Variants in RTKN2 observed in about 807,000 individuals in gnomAD.
RTKN2 encodes rhotekin 2.
In RTKN2, 69 loss-of-function variants were observed where a neutral mutation model predicts 71.5. The ratio of observed to expected loss-of-function variants is 0.96; its 90% CI spans 0.79 to 1.18. RTKN2 has a LOEUF of 1.18. Ranked by LOEUF, RTKN2 falls within the 50% of genes most tolerant of loss-of-function variation. The probability of loss-of-function intolerance (pLI) is 0.00; values close to 1 mark genes in which losing one functional copy is unlikely to be tolerated. For missense variants in RTKN2, 724 were observed against 719.7 expected (o/e 1.01, Z -0.07); for synonymous variants, 236 against 236.5 (o/e 1.00, Z 0.02).
chr10:62,190,543 A>G (rs1252601008), downstream of RTKN2, among the ~76,000 whole-genome samples: 1 of 152,186 alleles, frequency 6.6e-6, no homozygotes, highest in Non-Finnish European at 1.5e-5. Context: ...CTCCAAAGGC[A>G]TCAACTCAGG....
chr10:62,235,513 GAA>G (rs956404220), intron 6 of RTKN2, among the ~76,000 whole-genome samples: 9 of 152,034 alleles, frequency 5.9e-5, no homozygotes, highest in African/African-American at 2.2e-4. Context: ...TCCAAAATCT[GAA>G]ACTTTTTGAA....
intron 9 of RTKN2, among the ~76,000 whole-genome samples, chr10:62,207,479 T>A (rs1841570976): frequency 6.6e-6 from 1 of 152,122 alleles, no homozygotes; most frequent in Non-Finnish European, 1.5e-5. Context: ...GTAAAGTTTC[T>A]TAGAGTGTCA....
intron 3 of RTKN2, among the ~76,000 whole-genome samples, 190 bp downstream of exon 3, chr10:62,245,809 G>A (rs1224994099): frequency 1.1e-4 from 12 of 109,068 alleles, no homozygotes; most frequent in Non-Finnish European, 1.9e-4. Flanking sequence ...ATATGAAACA[G>A]TTTTCTTAAA....
chr10:62,197,227 T>A lies in RTKN2; in HGVS notation c.*681A>T. The stretch of plus-strand genomic sequence containing the variant: ...CATTTCATCTACCATTTCTCTAAAC[T>A]AGTAAGTGTTATGCTTCATTTATGA... On this transcript the variant is annotated 3_prime_UTR_variant, in exon 12 of 12. Transcript: ENST00000373789. The A allele has an allele frequency of 1.0e-6, 1 of 985,372 alleles. No homozygotes were observed. Among genetic ancestry groups the A allele is most frequent in the South Asian group, 4.7e-5 (1 of 21,282 alleles). 61.0% of individuals were successfully genotyped at this position (985,372 alleles called of 1,614,324 possible).
intron 5 of RTKN2, chr10:62,239,050 T>C (rs930756880): frequency 7.2e-5 from 11 of 152,002 alleles, no homozygotes; most frequent in African/African-American, 2.4e-4. Flanking sequence ...TTCTGTATTA[T>C]GACCACAATA....
At chr10:62,186,448 A>G (rs1323090233) in intron 8 of RTKN2, among the ~76,000 whole-genome samples, 3 of 152,164 alleles carry the variant, frequency 2.0e-5, no homozygotes, top group African/African-American at 7.2e-5. Flanking sequence ...ACGGAGGAAG[A>G]CAGAACGCAG....
At chr10:62,238,011 G>A (rs1770394600) in intron 5 of RTKN2, 1 of 151,660 alleles carries the variant, frequency 6.6e-6, no homozygotes, top group South Asian at 2.1e-4. Context: ...ATATACTTAA[G>A]ACTGCAAAAG....
In RTKN2 at chr10:62,197,897, T is replaced by C. The variant is rs751714853; in HGVS notation, c.*11A>G. On this transcript the variant is annotated 3_prime_UTR_variant, in exon 12 of 12. Transcript: ENST00000373789. ...ATAGATTTTGTTAAATGTTTTATCATTAAGAGTTTTCTATACTTGTGCCTG... is the reference window on the plus strand; with the variant it reads ...ATAGATTTTGTTAAATGTTTTATCACTAAGAGTTTTCTATACTTGTGCCTG... 52 of 1,594,198 alleles carry C rather than the reference T, an allele frequency of 3.3e-5. No individual in the cohort carries two copies. Among genetic ancestry groups the C allele is most frequent in the Non-Finnish European group, 1.0e-5 (12 of 1,172,090 alleles).
At position 62,184,395 on chromosome 10, in the gene RTKN2, AC is replaced by A. The variant is rs1352802014; in HGVS notation, c.862-9del. ...TAGTTGATTACTATTATTCTGAAAA[AC>A]AAAAAAAATCACCTTTAGTCACCCA... On this transcript the variant is annotated splice_polypyrimidine_tract_variant and intron_variant, in intron 8 of 8. Transcript: ENST00000315289. 2.6e-6 allele frequency: 4 copies of A among 1,521,262 alleles called. No individual in the cohort carries two copies. In the African/African-American group the frequency reaches 5.5e-5, roughly 21 times the overall value. The allele number at this position is 1,521,262 out of a possible 1,614,324, so 94.2% of individuals were successfully genotyped here.
rs547450164 is a variant in RTKN2, at chr10:62,256,693, C to CGTGT, written c.257+5928_257+5931dup. Among the ~76,000 whole-genome samples, 623 of 150,534 alleles carry CGTGT rather than the reference C, an allele frequency of 4.1e-3. 5 individuals are homozygous for CGTGT. The highest frequency in any genetic ancestry group is 0.014 in the African/African-American group (568 of 40,962). ...ATGCTAGTATGTGTATTTGTGTATG[C>CGTGT]GTGTGTGTGTCTGTGTGTGTATAGA... is the stretch of plus-strand genomic sequence containing the variant. On this transcript the variant is annotated intron_variant, in intron 2 of 11. Coordinates refer to ENST00000373789, the MANE Select transcript of RTKN2 (RefSeq NM_145307.4).
intron 1 of RTKN2, among the ~76,000 whole-genome samples, chr10:62,266,620 ATTTTAT>A (rs1198392574): frequency 6.6e-6 from 1 of 152,158 alleles, no homozygotes; most frequent in Non-Finnish European, 1.5e-5. Context: ...TACTTTTTGA[ATTTTAT>A]TTTTATTAAG....
rs1841324646 is a variant in RTKN2 at position 62,196,035 on chromosome 10, G to A, written c.*1873C>T. On this transcript the variant is annotated 3_prime_UTR_variant, in exon 12 of 12. Transcript: ENST00000373789. ...TAATACTGATTTGTAATAAAGGAAGGCATCAACTAGGAAAAAAAAAAGAAT... is the reference window on the plus strand; with the variant it reads ...TAATACTGATTTGTAATAAAGGAAGACATCAACTAGGAAAAAAAAAAGAAT... The A allele has an allele frequency of 1.0e-6, 1 of 984,580 alleles. No individual in the cohort carries two copies. Among genetic ancestry groups the A allele is most frequent in the Non-Finnish European group, 1.2e-6 (1 of 829,444 alleles). The allele number at this position is 984,580 out of a possible 1,614,324, so 61.0% of individuals were successfully genotyped here.
intron 10 of RTKN2, 66 bp downstream of exon 10, chr10:62,204,791 G>T (rs1240148261): frequency 1.1e-5 from 14 of 1,228,978 alleles, no homozygotes; most frequent in Non-Finnish European, 1.4e-5. Flanking sequence ...ACAATTTTAA[G>T]ATTGCTGTGC....
rs1328103954 is a variant in RTKN2, at chr10:62,194,365, T to C, written c.*3543A>G. ...ATATGTAAACATTTAAAAATAGTGA[T>C]GCCTTTGAAATGTAAGGGGAAAATG... is the stretch of plus-strand genomic sequence containing the variant. On this transcript the variant is annotated 3_prime_UTR_variant, in exon 12 of 12. Transcript: ENST00000373789. 1.0e-6 allele frequency: 1 copy of C among 984,618 alleles called. No homozygotes were observed. The highest frequency in any genetic ancestry group is 1.2e-6 in the Non-Finnish European group (1 of 829,172). 61.0% of individuals were successfully genotyped at this position (984,618 alleles called of 1,614,324 possible).
chr10:62,257,309 A>T (rs1179218567), intron 2 of RTKN2, among the ~76,000 whole-genome samples: 1 of 152,226 alleles, frequency 6.6e-6, no homozygotes, highest in Non-Finnish European at 1.5e-5. Context: ...TTGCTTATAA[A>T]TAGCTCTATT....
chr10:62,196,784 CTT>C lies in RTKN2; in HGVS notation c.*1122_*1123del. 1.0e-5 allele frequency: 10 copies of C among 976,842 alleles called. No individual in the cohort carries two copies. The highest frequency in any genetic ancestry group is 1.8e-5 in the African/African-American group (1 of 57,134). 60.5% of individuals were successfully genotyped at this position (976,842 alleles called of 1,614,324 possible). A position where few individuals can be genotyped will look rare whatever the true frequency, so the allele number is the denominator to read the frequency against. On this transcript the variant is annotated 3_prime_UTR_variant, in exon 12 of 12. Coordinates refer to ENST00000373789, the MANE Select transcript of RTKN2 (RefSeq NM_145307.4). Reference sequence around the variant, plus strand: ...ATTAGATTTTTAAAACTGTTCTGCTCTTGTTTACAAAAAGCATTATTATAAAA... The same window carrying C: ...ATTAGATTTTTAAAACTGTTCTGCTCGTTTACAAAAAGCATTATTATAAAA...
rs1841360544 is a variant in RTKN2, at chr10:62,197,906, T to C, written c.*2A>G. 1 of 1,604,654 alleles carries C rather than the reference T, an allele frequency of 6.2e-7. No individual in the cohort carries two copies. The highest frequency in any genetic ancestry group is 8.5e-7 in the Non-Finnish European group (1 of 1,176,176). ...GTTAAATGTTTTATCATTAAGAGTT[T>C]TCTATACTTGTGCCTGCAGCCATGA... is the stretch of plus-strand genomic sequence containing the variant. On this transcript the variant is annotated 3_prime_UTR_variant, in exon 12 of 12. Transcript: ENST00000373789.
intron 9 of RTKN2, among the ~76,000 whole-genome samples, chr10:62,207,110 A>T (rs1412113154): frequency 6.6e-6 from 1 of 152,084 alleles, no homozygotes; most frequent in African/African-American, 2.4e-5. Context: ...TACTTTTTGT[A>T]TAAAGGATTA....
chr10:62,230,944 C>T (rs1029141964), intron 6 of RTKN2, among the ~76,000 whole-genome samples: 1 of 152,124 alleles, frequency 6.6e-6, no homozygotes, highest in South Asian at 2.1e-4. Context: ...GCTGAATAAT[C>T]ATTTCTACAA....
Sources: allele counts gnomAD v4.1 joint callset (sites outside exome capture counted in the v4.1 genomes callset), GRCh38; gene constraint gnomAD v4.1.1; transcripts MANE v1.5; gene names NCBI Gene and HGNC (gene_info 2026-07-23, HGNC 2026-07-21).